The following NKAIN3 variants were observed in gnomAD, a reference collection of about 807,000 sequenced individuals.
NKAIN3 encodes the protein sodium/potassium-transporting ATPase subunit beta-1-interacting protein 3.
A neutral mutation model predicts 30.2 loss-of-function variants in NKAIN3; 25 were observed. The observed-to-expected ratio is 0.83, with a 90% CI of 0.60 to 1.16. The LOEUF (loss-of-function observed/expected upper bound fraction) is 1.16. Ranked by LOEUF, NKAIN3 falls within the 50% of genes most tolerant of loss-of-function variation. NKAIN3 has a pLI of 0.00. For missense variants in NKAIN3, 225 were observed against 254.1 expected, an observed-to-expected ratio of 0.89 and a Z score of 0.78; for synonymous variants, 91 against 89.6, an observed-to-expected ratio of 1.02 and a Z score of -0.09.
At chr8:62,270,293 G>A (rs1812740828) in intron 1 of NKAIN3, among the ~76,000 whole-genome samples, 1 of 152,014 alleles carries the variant, frequency 6.6e-6, no homozygotes, top group South Asian at 2.1e-4. Flanking sequence ...TGTTGCCCAG[G>A]CTGGTCATGA....
At chr8:62,942,807 C>T (rs1246632502) in intron 5 of NKAIN3, among the ~76,000 whole-genome samples, 1 of 152,072 alleles carries the variant, frequency 6.6e-6, no homozygotes, top group Non-Finnish European at 1.5e-5. Context: ...ACAAATGGTG[C>T]TGGGATAATC....
At chr8:62,863,945 G>A in intron 4 of NKAIN3, 1 of 947,846 alleles carries the variant, frequency 1.1e-6, no homozygotes, top group Non-Finnish European at 1.7e-6. Context: ...TCTGCCAAAG[G>A]TGGCGGTGGT....
intron 1 of NKAIN3, among the ~76,000 whole-genome samples, chr8:62,374,626 C>T (rs1408773452): frequency 3.3e-5 from 5 of 152,186 alleles, no homozygotes; most frequent in Non-Finnish European, 7.3e-5. Context: ...TCATGGTTTA[C>T]TTAAAAGCTT....
At chr8:62,563,431 A>T (rs1809650266) in intron 1 of NKAIN3, among the ~76,000 whole-genome samples, 1 of 152,150 alleles carries the variant, frequency 6.6e-6, no homozygotes. Flanking sequence ...AAGGAATGAG[A>T]GTATTCACTC....
chr8:62,919,261 T>TTTTG, intron 5 of NKAIN3, among the ~76,000 whole-genome samples: 1 of 126,116 alleles, frequency 7.9e-6, no homozygotes. Context: ...TTTTTTTTTT[T>TTTTG]TGAGACGGAG....
intron 1 of NKAIN3, among the ~76,000 whole-genome samples, chr8:62,559,468 T>C (rs1322887189): frequency 2.0e-5 from 3 of 152,036 alleles, no homozygotes; most frequent in Non-Finnish European, 4.4e-5. Flanking sequence ...CTTTCTGTTT[T>C]TTCTCATTTG....
At chr8:62,477,191 T>C (rs891780684) in intron 1 of NKAIN3, among the ~76,000 whole-genome samples, 2 of 151,954 alleles carry the variant, frequency 1.3e-5, no homozygotes, top group Admixed American at 1.3e-4. Context: ...CAGGTGGGAG[T>C]GCAGGCTCCT....
At chr8:62,569,920 CA>C (rs1809880751) in intron 1 of NKAIN3, among the ~76,000 whole-genome samples, 1 of 151,952 alleles carries the variant, frequency 6.6e-6, no homozygotes, top group Non-Finnish European at 1.5e-5. Flanking sequence ...AAATATTTAT[CA>C]CATGAATTCC....
intron 6 of NKAIN3, among the ~76,000 whole-genome samples, chr8:62,961,757 C>T (rs1041219502): frequency 1.3e-5 from 2 of 151,990 alleles, no homozygotes; most frequent in African/African-American, 4.8e-5. Context: ...AACAGACTCA[C>T]ATTACAAGGG....
At chr8:62,954,051 AC>A (rs1254959817) in intron 6 of NKAIN3, 79 bp downstream of exon 6, 1 of 268,710 alleles carries the variant, frequency 3.7e-6, no homozygotes, top group Non-Finnish European at 5.7e-6. Context: ...AATAATTTGA[AC>A]CTACTACTAC....
intron 1 of NKAIN3, among the ~76,000 whole-genome samples, chr8:62,543,500 C>T (rs1281604247): frequency 1.3e-5 from 2 of 152,032 alleles, no homozygotes; most frequent in African/African-American, 4.8e-5. Context: ...TTTGAGGGTC[C>T]CATAGAAGAC....
At chr8:62,306,526 T>A (rs1202492566) in intron 1 of NKAIN3, among the ~76,000 whole-genome samples, 2 of 138,554 alleles carry the variant, frequency 1.4e-5, no homozygotes, top group Non-Finnish European at 3.0e-5. Context: ...CCTAGAAGGC[T>A]TTGAAGGCTT....
chr8:62,298,850 T>C (rs1813935581), intron 1 of NKAIN3, among the ~76,000 whole-genome samples: 1 of 149,338 alleles, frequency 6.7e-6, no homozygotes, highest in South Asian at 2.1e-4. Flanking sequence ...AATAATTATA[T>C]TAAGTATGAA....
intron 1 of NKAIN3, among the ~76,000 whole-genome samples, chr8:62,319,786 T>A (rs1814806917): frequency 6.6e-6 from 1 of 152,304 alleles, no homozygotes; most frequent in African/African-American, 2.4e-5. Flanking sequence ...TGCAGTGTGG[T>A]GCTGAGAAGA....
At chr8:62,719,013 C>T (rs1368432891) in intron 3 of NKAIN3, among the ~76,000 whole-genome samples, 1 of 152,108 alleles carries the variant, frequency 6.6e-6, no homozygotes, top group African/African-American at 2.4e-5. Context: ...GCAACACAGG[C>T]TACGAAAAGA....
intron 1 of NKAIN3, among the ~76,000 whole-genome samples, chr8:62,361,026 A>T (rs1040698882): frequency 1.1e-5 from 1 of 92,758 alleles, no homozygotes; most frequent in Non-Finnish European, 2.3e-5. Context: ...AAAAAAAAAA[A>T]AAAAATGGCA....
At chr8:62,556,543 C>T (rs1355335477) in intron 1 of NKAIN3, among the ~76,000 whole-genome samples, 1 of 151,458 alleles carries the variant, frequency 6.6e-6, no homozygotes, top group Non-Finnish European at 1.5e-5. Flanking sequence ...TCAGGTGAGA[C>T]TGAAAAATAA....
intron 5 of NKAIN3, among the ~76,000 whole-genome samples, chr8:62,926,936 T>C (rs1822467749): frequency 6.6e-6 from 1 of 151,944 alleles, no homozygotes; most frequent in Non-Finnish European, 1.5e-5. Flanking sequence ...CTCTGTCCCC[T>C]CCCCCAACTT....
At chr8:62,257,699 T>A (rs1018894677) in intron 1 of NKAIN3, among the ~76,000 whole-genome samples, 1 of 152,246 alleles carries the variant, frequency 6.6e-6, no homozygotes, top group African/African-American at 2.4e-5. Flanking sequence ...CTTGAACATA[T>A]GTAGTTCAGG....
Sources: allele counts gnomAD v4.1 joint callset (sites outside exome capture counted in the v4.1 genomes callset), GRCh38; gene constraint gnomAD v4.1.1; transcripts MANE v1.5; gene names NCBI Gene and HGNC (gene_info 2026-07-23, HGNC 2026-07-21).